The following CCDC154 variants were observed in gnomAD, a reference collection of about 807,000 sequenced individuals.
CCDC154 encodes coiled-coil domain-containing protein 154.
A neutral mutation model predicts 87.5 loss-of-function variants in CCDC154; 91 were observed. That is an observed-to-expected ratio of 1.04 (90% CI 0.88 to 1.24). The LOEUF is 1.24. Ranked by LOEUF, CCDC154 falls within the 50% of genes most tolerant of loss-of-function variation. CCDC154 has a pLI of 0.00. For missense variants in CCDC154, 903 were observed against 879.2 expected (o/e 1.03, Z -0.34); for synonymous variants, 418 against 400.4 (o/e 1.04, Z -0.52).
intron 7 of CCDC154, 23 bp from the exon 8 acceptor site, chr16:1,438,966 G>A: frequency 3.9e-6 from 6 of 1,549,002 alleles, no homozygotes; most frequent in Non-Finnish European, 5.2e-6. Context: ...CCCACTGTCA[G>A]CTGCAGGTCT....
chr16:1,442,245 G>A (rs573995045), intron 6 of CCDC154, among the ~76,000 whole-genome samples, 161 bp downstream of exon 6: 6 of 152,366 alleles, frequency 3.9e-5, no homozygotes, highest in African/African-American at 9.6e-5. Context: ...GGGCATGTGC[G>A]GCTGAGGAAT....
intron 3 of CCDC154, 99 bp downstream of exon 3, chr16:1,443,407 C>T: frequency 6.9e-7 from 1 of 1,455,078 alleles, no homozygotes; most frequent in South Asian, 1.4e-5. Flanking sequence ...GAGCTCTGGG[C>T]CTGGGCAGCA....
intron 6 of CCDC154, among the ~76,000 whole-genome samples, chr16:1,439,840 C>T (rs967312517): frequency 6.6e-6 from 1 of 152,106 alleles, no homozygotes; most frequent in African/African-American, 2.4e-5. Context: ...AAAAATGTTC[C>T]TGTGTGCCAA....
At position 1,437,717 on chromosome 16, in the gene CCDC154, G is replaced by A. The variant is rs1024692527; in HGVS notation, c.1290+100C>T. On this transcript the variant is annotated intron_variant, in intron 11 of 16. Coordinates refer to ENST00000389176, the MANE Select transcript of CCDC154 (RefSeq NM_001143980.3). ...TGGGTGGGACGGGAGGCTTGGGACC[G>A]GCCTGTCAGGCCTCTACCCTGGGGG... The A allele has an allele frequency of 7.4e-5, 100 of 1,358,938 alleles. No homozygotes were observed. The African/African-American group carries it at 1.1e-3, about 15-fold the overall frequency. The allele number at this position is 1,358,938 out of a possible 1,614,324, so 84.2% of individuals were successfully genotyped here.
intron 6 of CCDC154, among the ~76,000 whole-genome samples, chr16:1,441,900 C>T (rs531560144): frequency 5.5e-4 from 81 of 148,424 alleles, no homozygotes; most frequent in African/African-American, 7.3e-4. Context: ...TGCCACTGCA[C>T]GTGGCCTGAG....
chr16:1,439,111 G>A lies in CCDC154; in HGVS notation c.691C>T (p.Leu231Phe), dbSNP rs755941093. 3.0e-4 allele frequency: 459 copies of A among 1,550,030 alleles called. No individual in the cohort carries two copies. The highest frequency in any genetic ancestry group is 3.6e-4 in the Non-Finnish European group (409 of 1,146,878). The change falls in exon 7 of 17, where the codon CTC becomes TTC. Residue 231 changes from leucine to phenylalanine, a missense_variant. Physicochemically the swap from Leu to Phe is conservative, Grantham distance 22. Coordinates refer to ENST00000389176, the MANE Select transcript of CCDC154 (RefSeq NM_001143980.3). The part of the protein sequence containing the change: ...VARMQAQVTK[L>F]GEEVSLRFLK... The stretch of plus-strand genomic sequence containing the variant: ...AAGCGCAGGCTCACCTCTTCGCCGA[G>A]CTTGGTCACCTGGGCCTGGGGCGGA...
At chr16:1,439,828 T>TA (rs1020118717) in intron 6 of CCDC154, among the ~76,000 whole-genome samples, 33 of 152,206 alleles carry the variant, frequency 2.2e-4, no homozygotes, top group African/African-American at 6.0e-4. Context: ...TGACAACATG[T>TA]AAAAAATGTT....
intron 6 of CCDC154, among the ~76,000 whole-genome samples, chr16:1,439,615 G>A (rs185447251): frequency 9.3e-4 from 141 of 152,292 alleles, no homozygotes; most frequent in Middle Eastern, 3.4e-3. Context: ...GTAGGCAGGC[G>A]GCACAGGCCC....
intron 10 of CCDC154, 33 bp from the exon 11 acceptor site, chr16:1,437,987 G>A: frequency 1.4e-5 from 21 of 1,537,554 alleles, no homozygotes; most frequent in Non-Finnish European, 1.7e-5. Context: ...GGGAGGCCTG[G>A]CTGAGCGCCC....
rs928278647 is a variant in CCDC154, at chr16:1,444,010, A to C, written c.10T>G (p.Leu4Val). MSE[L>V]ADSGPSGASA... ...GCCCCTGAGGGTCCACTGTCAGCCA[A>C]CTCTACAAGGAGGCATCTTGGGAGC... The change falls in exon 2 of 17, where the codon TTG (leucine) becomes GTG (valine). Residue 4 changes from leucine (L) to valine (V), a missense_variant and splice_region_variant. Leu to Val is a conservative substitution (Grantham distance 32, BLOSUM62 1). Coordinates refer to ENST00000389176, the MANE Select transcript of CCDC154 (RefSeq NM_001143980.3). 3.8e-6 allele frequency: 5 copies of C among 1,298,802 alleles called. No individual in the cohort carries two copies. The highest frequency in any genetic ancestry group is 5.1e-6 in the Non-Finnish European group (5 of 988,830). 80.5% of individuals were successfully genotyped at this position (1,298,802 alleles called of 1,614,324 possible). A position where few individuals can be genotyped will look rare whatever the true frequency, so the allele number is the denominator to read the frequency against.
rs61744665 is a variant in CCDC154, at chr16:1,434,527, G to C, written c.1885C>G (p.Arg629Gly). The C allele has an allele frequency of 6.5e-7, 1 of 1,545,502 alleles. No individual in the cohort carries two copies. The highest frequency in any genetic ancestry group is 2.4e-5 in the East Asian group (1 of 40,846). Residue 629 changes from arginine (R) to glycine (G), a missense_variant, in exon 17 of 17, where the codon CGC becomes GGC. Arg to Gly is a moderately radical substitution (Grantham distance 125). Coordinates refer to ENST00000389176, the MANE Select transcript of CCDC154 (RefSeq NM_001143980.3). ...AGCTTTATGAGGGACGCCTTCCAGC[G>C]CAGCCACCTGTCCAGAGATGCGGCA... ...WGVYQAVRWL[R>G]WKASLIKLRA...
rs540054090 is a variant in CCDC154 at position 1,435,911 on chromosome 16, G to A, written c.1605+58C>T. Reference sequence around the variant, plus strand: ...TCCTGCCTCTCCGCACGGCTGCCCCGTCTGAACCTGATGGCTCCCCCTCTC... The same window carrying A: ...TCCTGCCTCTCCGCACGGCTGCCCCATCTGAACCTGATGGCTCCCCCTCTC... On this transcript the variant is annotated intron_variant, in intron 14 of 16. Coordinates refer to ENST00000389176, the MANE Select transcript of CCDC154 (RefSeq NM_001143980.3). 1,637 of 1,422,842 alleles carry A rather than the reference G, an allele frequency of 1.2e-3. 4 individuals carry two copies. Among genetic ancestry groups the A allele is most frequent in the Admixed American group, 1.6e-3 (80 of 50,562 alleles). 88.1% of individuals were successfully genotyped at this position (1,422,842 alleles called of 1,614,324 possible).
At position 1,442,949 on chromosome 16, in the gene CCDC154, G is replaced by T. The variant is rs529947142; in HGVS notation, c.482C>A (p.Thr161Asn). ...KRLVEVREAL[T>N]RLRRRQVQQE... ...TTGCACCTGCCTCCTCCTGAGCCGG[G>T]TCAAGGCTTCCCGGACCTCCACCAG... Residue 161 changes from threonine (T) to asparagine (N), a missense_variant, in exon 5 of 17, where the codon ACC becomes AAC. Thr to Asn is a moderately conservative substitution (Grantham distance 65). Coordinates refer to ENST00000389176, the MANE Select transcript of CCDC154 (RefSeq NM_001143980.3). The T allele has an allele frequency of 4.5e-6, 7 of 1,550,034 alleles. No individual in the cohort carries two copies. The Admixed American group carries it at 1.4e-4, about 30-fold the overall frequency.
chr16:1,436,386 C>T (rs1407451912), intron 13 of CCDC154, 59 bp downstream of exon 13: 47 of 1,385,224 alleles, frequency 3.4e-5, no homozygotes, highest in Non-Finnish European at 4.5e-5. Context: ...TGGGGACCGG[C>T]CCAGCCCAGT....
In CCDC154 at chr16:1,443,043, G is replaced by C. The variant is rs1272284641; in HGVS notation, c.456-68C>G. On this transcript the variant is annotated intron_variant, in intron 4 of 16. Transcript: ENST00000389176. ...AGCAGCCTCGGCGGGCTGGGGGTCT[G>C]GCCAAGGGGCCCCTGTGGCCACCTC... The C allele has an allele frequency of 8.5e-6, 13 of 1,521,328 alleles. No individual in the cohort carries two copies. In the East Asian group the frequency reaches 2.9e-4, roughly 34 times the overall value. The allele number at this position is 1,521,328 out of a possible 1,614,324, so 94.2% of individuals were successfully genotyped here.
rs549378128 is a variant in CCDC154 at position 1,444,300 on chromosome 16, C to T, written c.7+16G>A. The T allele has an allele frequency of 1.5e-4, 199 of 1,302,334 alleles. 2 individuals carry two copies. In the South Asian group the frequency reaches 2.4e-3, roughly 16 times the overall value. The allele number at this position is 1,302,334 out of a possible 1,614,324, so 80.7% of individuals were successfully genotyped here. ...GGCAAGCCCCTCCCTGGGCCCCGCT[C>T]CTCCGCTCTGGTCACCTGACATGGC... On this transcript the variant is annotated intron_variant, in intron 1 of 16. Coordinates refer to ENST00000389176, the MANE Select transcript of CCDC154 (RefSeq NM_001143980.3).
Position 1,438,838 on chromosome 16 carries a change from G to C in CCDC154, c.883C>G (p.Arg295Gly). The C allele has an allele frequency of 6.5e-7, 1 of 1,546,228 alleles. No individual in the cohort carries two copies. The highest frequency in any genetic ancestry group is 8.7e-7 in the Non-Finnish European group (1 of 1,145,702). ...KLRGLMEERLRALQGQHEESH... is the reference protein window; with the variant it reads ...KLRGLMEERLGALQGQHEESH... ...ACCTCATGCTGCCCCTGCAGGGCCC[G>C]CAGGCGCTCCTCCATCAGCCCCCGA... The change falls in exon 8 of 17, where the codon CGG becomes GGG. Residue 295 changes from arginine to glycine, a missense_variant. Arg to Gly is a moderately radical substitution (Grantham distance 125). Coordinates refer to ENST00000389176, the MANE Select transcript of CCDC154 (RefSeq NM_001143980.3).
At chr16:1,437,126 G>A (rs866382489) in intron 11 of CCDC154, 143 of 396,118 alleles carry the variant, frequency 3.6e-4, no homozygotes, top group Middle Eastern at 1.4e-3. Context: ...TTGCAGCCGC[G>A]CTCGCGTGTC....
rs148456161 is a variant in CCDC154, at chr16:1,443,453, C to A, written c.414+53G>T. The stretch of plus-strand genomic sequence containing the variant: ...GGGCTCCAGGCCCAGAAGCAGCTGC[C>A]CCCAACACCCAGGAAAGGGGCAGCT... On this transcript the variant is annotated intron_variant, in intron 3 of 16. Transcript: ENST00000389176. 8.6e-4 allele frequency: 1,239 copies of A among 1,433,676 alleles called. 7 individuals carry two copies. The African/African-American group carries it at 0.016, about 18-fold the overall frequency. The allele number at this position is 1,433,676 out of a possible 1,614,324, so 88.8% of individuals were successfully genotyped here. A position where few individuals can be genotyped will look rare whatever the true frequency, so the allele number is the denominator to read the frequency against.
Sources: gnomAD v4.1 joint callset for allele counts (sites outside exome capture counted in the v4.1 genomes callset) on GRCh38, gnomAD v4.1.1 for gene constraint, MANE v1.5 for transcripts, NCBI Gene and HGNC (gene_info 2026-07-23, HGNC 2026-07-21) for gene names.